Variants in PCDH15 observed in about 807,000 individuals in gnomAD.
PCDH15 encodes the protein protocadherin related 15.
Under a neutral mutation model 178.5 loss-of-function variants are expected in PCDH15, and 129 were observed. The observed-to-expected ratio is 0.72, with a 90% confidence interval of 0.63 to 0.84. The LOEUF (loss-of-function observed/expected upper bound fraction) is 0.84. Ranked by LOEUF, PCDH15 falls within the 40% of genes least tolerant of loss-of-function variation. The pLI is 0.00. For missense variants in PCDH15, 2,230 were observed against 2,099.9 expected (o/e 1.06, Z -1.21); for synonymous variants, 800 against 732.0 (o/e 1.09, Z -1.50).
chr10:54,065,972 C>G (rs2094129915), intron 18 of PCDH15, among the ~76,000 whole-genome samples: 1 of 152,160 alleles, frequency 6.6e-6, no homozygotes, highest in South Asian at 2.1e-4. Context: ...AAGTCAGAAC[C>G]TTCACAGGGA....
chr10:55,454,355 T>A (rs1241197250), intron 2 of PCDH15, among the ~76,000 whole-genome samples: 3 of 152,100 alleles, frequency 2.0e-5, no homozygotes, highest in African/African-American at 7.2e-5. Context: ...CAATAATATA[T>A]AATTTCCCCC....
chr10:53,991,094 C>G (rs116436349), intron 21 of PCDH15, among the ~76,000 whole-genome samples: 9 of 152,132 alleles, frequency 5.9e-5, no homozygotes, highest in African/African-American at 2.2e-4. Context: ...GAACCCCCCC[C>G]ACCCCCGTGG....
rs1342811335 is a variant in PCDH15, at chr10:54,617,987, A to G, written c.91+46185T>C. Reference sequence around the variant, plus strand: ...GAGAAAGAGGAGGATATAGAATGGAATAAGAGTCACAGAATGAGAGTATTC... The same window carrying G: ...GAGAAAGAGGAGGATATAGAATGGAGTAAGAGTCACAGAATGAGAGTATTC... On this transcript the variant is annotated intron_variant, in intron 2 of 37. Transcript: ENST00000644397. 2.0e-5 allele frequency among the ~76,000 whole-genome samples: 3 copies of G among 152,028 alleles called. No individual in the cohort carries two copies. In the East Asian group the frequency reaches 5.8e-4, roughly 30 times the overall value.
intron 3 of PCDH15, among the ~76,000 whole-genome samples, chr10:54,490,529 A>T (rs181777287): frequency 0.013 from 2,022 of 151,976 alleles, 31 homozygotes; most frequent in African/African-American, 0.046. Context: ...TAATAAAAAA[A>T]TTTTTAAAAA....
intron 2 of PCDH15, among the ~76,000 whole-genome samples, chr10:55,481,344 T>C (rs895877056): frequency 6.6e-6 from 1 of 151,794 alleles, no homozygotes; most frequent in Non-Finnish European, 1.5e-5. Context: ...TCAGTTCAGA[T>C]CTGATTTTGG....
chr10:54,398,631 C>T, intron 3 of PCDH15, among the ~76,000 whole-genome samples: 1 of 151,852 alleles, frequency 6.6e-6, no homozygotes, highest in East Asian at 1.9e-4. Flanking sequence ...AAAATGCCCC[C>T]CAACATAGTA....
chr10:53,954,195 A>C (rs1273005867), intron 23 of PCDH15, among the ~76,000 whole-genome samples: 2 of 152,224 alleles, frequency 1.3e-5, no homozygotes, highest in African/African-American at 2.4e-5. Flanking sequence ...CATAAGTCAG[A>C]AAGCCTACTA....
chr10:54,600,593 A>G (rs2092475948), intron 2 of PCDH15: 1 of 590,964 alleles, frequency 1.7e-6, no homozygotes. Context: ...AAGAGCATGA[A>G]GAGACCTTTG....
intron 1 of PCDH15, among the ~76,000 whole-genome samples, chr10:54,734,223 G>A (rs1304754947): frequency 1.3e-5 from 2 of 151,714 alleles, no homozygotes; most frequent in Non-Finnish European, 2.9e-5. Context: ...ATTATGACAC[G>A]ATAATAAGGA....
intron 34 of PCDH15, among the ~76,000 whole-genome samples, 156 bp downstream of exon 34, chr10:53,817,839 C>T (rs1236959926): frequency 6.6e-6 from 1 of 152,014 alleles, no homozygotes; most frequent in African/African-American, 2.4e-5. Context: ...AGGGAAGCAA[C>T]ATATATAAAA....
At chr10:55,428,076 A>C (rs924339968) in intron 2 of PCDH15, among the ~76,000 whole-genome samples, 16 of 151,960 alleles carry the variant, frequency 1.1e-4, no homozygotes, top group Admixed American at 7.9e-4. Flanking sequence ...AATGTGGTCT[A>C]TTTTAGCTTA....
chr10:54,483,062 A>C (rs1221779313), intron 3 of PCDH15, among the ~76,000 whole-genome samples: 1 of 151,906 alleles, frequency 6.6e-6, no homozygotes, highest in Non-Finnish European at 1.5e-5. Flanking sequence ...ACAGTATAGA[A>C]ACAATGTAAT....
At chr10:54,740,807 G>A (rs1944695230) in intron 1 of PCDH15, among the ~76,000 whole-genome samples, 1 of 151,862 alleles carries the variant, frequency 6.6e-6, no homozygotes, top group South Asian at 2.1e-4. Flanking sequence ...TAATATGCGG[G>A]AGCTAAAAAA....
intron 2 of PCDH15, among the ~76,000 whole-genome samples, chr10:54,638,090 C>T (rs955800582): frequency 1.3e-5 from 2 of 151,840 alleles, no homozygotes; most frequent in African/African-American, 2.4e-5. Flanking sequence ...AGGGAGACTC[C>T]CCCTCCACCC....
At chr10:54,505,476 C>T (rs2081089312) in intron 3 of PCDH15, among the ~76,000 whole-genome samples, 1 of 152,130 alleles carries the variant, frequency 6.6e-6, no homozygotes, top group Non-Finnish European at 1.5e-5. Context: ...CTGCTTTGGA[C>T]ATCCAAATAC....
chr10:54,955,181 TAACAAATTACTTAGAAGCTTG>T lies in PCDH15; in HGVS notation c.-79-57702_-79-57682del, dbSNP rs1838452071. ...TGTTTTCCTTGACTAAAATAATGCTTAACAAATTACTTAGAAGCTTGAAGGCCAAAACATACAGGTACAATT... is the reference window on the plus strand; with the variant it reads ...TGTTTTCCTTGACTAAAATAATGCTTAAGGCCAAAACATACAGGTACAATT... On this transcript the variant is annotated intron_variant, in intron 2 of 5. Transcript: ENST00000458638. Among the ~76,000 whole-genome samples the T allele has an allele frequency of 4.0e-5, 6 of 151,432 alleles. No homozygotes were observed. The South Asian group carries it at 1.2e-3, about 31-fold the overall frequency.
chr10:55,576,617 T>C (rs141123185), intron 2 of PCDH15, among the ~76,000 whole-genome samples: 73 of 152,288 alleles, frequency 4.8e-4, no homozygotes, highest in African/African-American at 1.7e-3. Flanking sequence ...ATCCACAAAA[T>C]GTTTTTAGTT....
In PCDH15 at chr10:55,315,788, C is replaced by T. The variant is rs1843709267; in HGVS notation, c.-156+3811G>A. ...ATCCCAGCGCTTTGGGAGGCTGAGG[C>T]AGGCAGATCACGAGGTCAGAAGTTC... On this transcript the variant is annotated intron_variant, in intron 1 of 5. Transcript: ENST00000458638. Among the ~76,000 whole-genome samples the T allele has an allele frequency of 2.0e-5, 3 of 152,114 alleles. No individual in the cohort carries two copies. In the South Asian group the frequency reaches 6.2e-4, roughly 32 times the overall value.
intron 8 of PCDH15, among the ~76,000 whole-genome samples, chr10:54,308,425 C>T (rs577682133): frequency 1.3e-5 from 2 of 152,028 alleles, no homozygotes; most frequent in Admixed American, 6.6e-5. Context: ...TTCCTCCTTT[C>T]GACTGTTTCT....
Sources: gnomAD v4.1 joint callset for allele counts (sites outside exome capture counted in the v4.1 genomes callset) on GRCh38, gnomAD v4.1.1 for gene constraint, MANE v1.5 for transcripts, NCBI Gene and HGNC (gene_info 2026-07-23, HGNC 2026-07-21) for gene names.